STK3: variants seen among roughly 807,000 people sequenced by gnomAD.
STK3 encodes the protein serine/threonine-protein kinase 3.
Under a neutral mutation model 58.0 loss-of-function variants are expected in STK3, and 41 were observed. That is an observed-to-expected ratio of 0.71 (90% CI 0.55 to 0.92). The LOEUF (loss-of-function observed/expected upper bound fraction) is 0.92, where lower values mean the gene tolerates loss of function less well. Among genes scored for constraint, STK3 ranks in the 40% least tolerant of loss-of-function variants. The pLI is 0.00. For synonymous variants in STK3, 170 were observed against 191.0 expected, an observed-to-expected ratio of 0.89 and a Z score of 0.91; for missense variants, 479 against 602.7, an observed-to-expected ratio of 0.79 and a Z score of 2.15.
downstream of STK3, chr8:98,883,404 A>AG (rs1316892742): frequency 2.4e-6 from 1 of 408,626 alleles, no homozygotes; most frequent in Non-Finnish European, 4.5e-6. Flanking sequence ...GCCTGCCAGA[A>AG]GGAAAATACA....
intron 1 of STK3, among the ~76,000 whole-genome samples, chr8:98,811,430 ATGTGAAATC>A (rs968969092): frequency 2.4e-4 from 36 of 152,172 alleles, no homozygotes; most frequent in African/African-American, 8.4e-4. Context: ...TTCATCTCAT[ATGTGAAATC>A]TCATTTAAAA....
At chr8:98,551,941 A>G (rs1169946761) in intron 8 of STK3, among the ~76,000 whole-genome samples, 1 of 152,076 alleles carries the variant, frequency 6.6e-6, no homozygotes. Flanking sequence ...ATATCTGAAA[A>G]CACTGAGGTC....
At chr8:98,423,903 C>CT (rs1713349383) in intron 3 of STK3, among the ~76,000 whole-genome samples, 1 of 152,282 alleles carries the variant, frequency 6.6e-6, no homozygotes, top group Admixed American at 6.5e-5. Context: ...TCTCTTCATC[C>CT]CCCTTCCCAG....
At chr8:98,461,788 T>C (rs1820000050) in intron 10 of STK3, among the ~76,000 whole-genome samples, 1 of 152,224 alleles carries the variant, frequency 6.6e-6, no homozygotes. Flanking sequence ...GTTTTCTGTT[T>C]AAGGAGGTTA....
At chr8:98,730,542 C>T (rs1828097629) in intron 4 of STK3, among the ~76,000 whole-genome samples, 1 of 151,886 alleles carries the variant, frequency 6.6e-6, no homozygotes, top group Admixed American at 6.6e-5. Context: ...CATGGTGAAA[C>T]CCCATCTCTA....
At chr8:98,754,942 G>A (rs903745091) in intron 3 of STK3, among the ~76,000 whole-genome samples, 15 of 152,172 alleles carry the variant, frequency 9.9e-5, no homozygotes, top group African/African-American at 3.6e-4. Context: ...ACACTAATCA[G>A]CAATGCTAAG....
At chr8:98,848,452 T>G (rs531065779) in intron 3 of STK3, among the ~76,000 whole-genome samples, 1 of 152,260 alleles carries the variant, frequency 6.6e-6, no homozygotes, top group Admixed American at 6.5e-5. Flanking sequence ...CTTCTCCGTG[T>G]TGGTAAGGCT....
chr8:98,435,809 C>T (rs1298145898), intron 2 of STK3, among the ~76,000 whole-genome samples: 2 of 152,124 alleles, frequency 1.3e-5, no homozygotes, highest in African/African-American at 4.8e-5. Context: ...GGAGGCCAGG[C>T]AGCACCCTGA....
At chr8:98,577,665 C>T (rs188289167) in intron 8 of STK3, among the ~76,000 whole-genome samples, 8 of 152,204 alleles carry the variant, frequency 5.3e-5, no homozygotes, top group African/African-American at 1.9e-4. Flanking sequence ...CCTTGTCAAG[C>T]CTTCAGATGA....
At chr8:98,654,168 G>A (rs1189790841) in intron 6 of STK3, among the ~76,000 whole-genome samples, 1 of 152,204 alleles carries the variant, frequency 6.6e-6, no homozygotes, top group African/African-American at 2.4e-5. Flanking sequence ...GGGATGCAAG[G>A]CTGGTTCGAT....
intron 1 of STK3, among the ~76,000 whole-genome samples, chr8:98,814,575 C>T (rs1208097790): frequency 6.6e-6 from 1 of 152,076 alleles, no homozygotes; most frequent in African/African-American, 2.4e-5. Context: ...GGTACAATCA[C>T]AGCCTGCTGC....
rs562830774 is a variant in STK3, at chr8:98,533,028, A to G, written c.1142-6111T>C. On this transcript the variant is annotated intron_variant, in intron 9 of 10. Transcript: ENST00000419617. Reference sequence around the variant, plus strand: ...GTTCATTCATGTTGTGGCATGTGTCAGCATTTCCTTCCTTTTCAAGAATAA... The same window carrying G: ...GTTCATTCATGTTGTGGCATGTGTCGGCATTTCCTTCCTTTTCAAGAATAA... 2.0e-5 allele frequency among the ~76,000 whole-genome samples: 3 copies of G among 152,162 alleles called. No individual in the cohort carries two copies. The South Asian group carries it at 6.2e-4, about 32-fold the overall frequency.
chr8:98,825,457 C>CCCGCCCCGCGG, intron 1 of STK3, 58 bp downstream of exon 1: 1 of 1,426,754 alleles, frequency 7.0e-7, no homozygotes. Context: ...CCTAGCCACC[C>CCCGCCCCGCGG]CCGCCCCGCG....
chr8:98,941,256 T>C (rs1186316442), intron 1 of STK3, among the ~76,000 whole-genome samples: 1 of 152,244 alleles, frequency 6.6e-6, no homozygotes, highest in Non-Finnish European at 1.5e-5. Context: ...TGCCCTTGTC[T>C]CCGCACCCTC....
chr8:98,651,439 C>T (rs537476546), intron 6 of STK3: 1 of 152,416 alleles, frequency 6.6e-6, no homozygotes, highest in East Asian at 1.9e-4. Context: ...AGTGCCTATC[C>T]TCCTCCAAAG....
intron 1 of STK3, among the ~76,000 whole-genome samples, chr8:98,803,593 C>CAAAAAAAAAAAAAAAAAAAAAA (rs34316563): frequency 2.6e-5 from 1 of 38,842 alleles, no homozygotes; most frequent in Non-Finnish European, 4.5e-5. Context: ...GACTCTGTTT[C>CAAAAAAAAAAAAAAAAAAAAAA]AAAAAAAAAA....
At chr8:98,923,850 TGTGTGC>T (rs1275499668) in intron 1 of STK3, among the ~76,000 whole-genome samples, 5 of 121,594 alleles carry the variant, frequency 4.1e-5, no homozygotes, top group Admixed American at 1.9e-4. Context: ...TGTGTGTGTG[TGTGTGC>T]GCGCGCGCGC....
chr8:98,738,507 TA>T (rs1220082147), intron 4 of STK3, among the ~76,000 whole-genome samples: 5 of 151,734 alleles, frequency 3.3e-5, no homozygotes, highest in African/African-American at 1.2e-4. Context: ...AATAAATAAA[TA>T]AAACTTATAA....
intron 6 of STK3, among the ~76,000 whole-genome samples, chr8:98,645,811 T>C (rs1224458956): frequency 1.3e-5 from 2 of 152,018 alleles, no homozygotes; most frequent in Non-Finnish European, 2.9e-5. Flanking sequence ...TATATAGATA[T>C]AGATACAGAT....
Sources: allele counts gnomAD v4.1 joint callset (sites outside exome capture counted in the v4.1 genomes callset), GRCh38; gene constraint gnomAD v4.1.1; transcripts MANE v1.5; gene names NCBI Gene and HGNC (gene_info 2026-07-23, HGNC 2026-07-21).